Variants in UTRN observed in about 807,000 individuals in gnomAD.
The protein encoded by UTRN is dystrophin-related protein 1.
In UTRN, 283 loss-of-function variants were observed where a neutral mutation model predicts 463.9. The ratio of observed to expected loss-of-function variants is 0.61; its 90% confidence interval spans 0.55 to 0.67. UTRN has a LOEUF of 0.67. UTRN is among the 30% of genes least tolerant of loss of function. UTRN has a pLI of 0.00. For synonymous variants in UTRN, 1,442 were observed against 1,431.5 expected (o/e 1.01, Z -0.17); for missense variants, 3,922 against 4,084.3 (o/e 0.96, Z 1.08).
chr6:144,462,837 G>A lies in UTRN; in HGVS notation c.3037G>A (p.Glu1013Lys). The change falls in exon 23 of 75, where the codon GAA becomes AAA. Residue 1013 changes from glutamate to lysine, a missense_variant. Physicochemically the swap from Glu to Lys is moderately conservative, Grantham distance 56. Transcript: ENST00000367545. ...TTCCAAAGATCTACATTTGCTTGAGGAAATTGCTCTCACACTCAGAGCTTT... is the reference window on the plus strand; with the variant it reads ...TTCCAAAGATCTACATTTGCTTGAGAAAATTGCTCTCACACTCAGAGCTTT... ...LVSKDLHLLE[E>K]IALTLRAFEA... The A allele has an allele frequency of 1.9e-6, 3 of 1,606,436 alleles. No homozygotes were observed. Among genetic ancestry groups the A allele is most frequent in the Non-Finnish European group, 2.5e-6 (3 of 1,178,488 alleles).
chr6:144,458,725 T>C (rs1459269854), intron 19 of UTRN, 45 bp from the exon 20 acceptor site: 1 of 1,519,704 alleles, frequency 6.6e-7, no homozygotes, highest in African/African-American at 1.4e-5. Context: ...TCAAGACACA[T>C]TTTGTAATAT....
At chr6:144,541,911 G>A (rs1013936463) in intron 45 of UTRN, among the ~76,000 whole-genome samples, 1 of 152,168 alleles carries the variant, frequency 6.6e-6, no homozygotes, top group African/African-American at 2.4e-5. Flanking sequence ...GCAAATGAAA[G>A]TGTCTAGAAG....
intron 51 of UTRN, among the ~76,000 whole-genome samples, chr6:144,621,748 A>AC (rs1364204951): frequency 1.3e-5 from 2 of 151,904 alleles, no homozygotes; most frequent in Admixed American, 1.3e-4. Context: ...TGCATATGAG[A>AC]CCCCCAGTAT....
At chr6:144,806,668 A>G (rs1013665212) in intron 65 of UTRN, among the ~76,000 whole-genome samples, 1 of 122,998 alleles carries the variant, frequency 8.1e-6, no homozygotes, top group African/African-American at 2.9e-5. Context: ...CCATTTTACT[A>G]TTGGAATTGT....
intron 50 of UTRN, among the ~76,000 whole-genome samples, chr6:144,571,649 C>G (rs1409179932): frequency 6.6e-6 from 1 of 152,190 alleles, no homozygotes; most frequent in Non-Finnish European, 1.5e-5. Context: ...ACAGTGTTGA[C>G]ATTATTTTGC....
At chr6:144,420,344 T>G (rs1185709456) in intron 3 of UTRN, among the ~76,000 whole-genome samples, 1 of 152,214 alleles carries the variant, frequency 6.6e-6, no homozygotes, top group Non-Finnish European at 1.5e-5. Flanking sequence ...TTATTTGATC[T>G]TTACAGTGAC....
chr6:144,722,434 A>G (rs1390726096), intron 53 of UTRN, among the ~76,000 whole-genome samples: 3 of 151,902 alleles, frequency 2.0e-5, no homozygotes, highest in African/African-American at 7.3e-5. Context: ...TGTGTGGTAG[A>G]TTTTTATAGT....
intron 2 of UTRN, chr6:144,344,149 G>T: frequency 7.8e-7 from 1 of 1,287,606 alleles, no homozygotes; most frequent in Non-Finnish European, 1.0e-6. Flanking sequence ...GCAGTTCGAA[G>T]GCTGCTTTTG....
At chr6:144,410,950 C>T (rs1265339692) in intron 3 of UTRN, among the ~76,000 whole-genome samples, 1 of 151,720 alleles carries the variant, frequency 6.6e-6, no homozygotes, top group East Asian at 1.9e-4. Flanking sequence ...TATAATGGCT[C>T]CTTTTCCAAA....
At chr6:144,774,230 G>T in intron 59 of UTRN, 60 bp from the exon 60 acceptor site, 1 of 1,422,590 alleles carries the variant, frequency 7.0e-7, no homozygotes, top group South Asian at 1.3e-5. Context: ...ATACATTCTG[G>T]GCATTCAATA....
chr6:144,285,964 G>C (rs1401812534), intron 1 of UTRN, 143 bp downstream of exon 1: 2 of 152,324 alleles, frequency 1.3e-5, no homozygotes, highest in Non-Finnish European at 2.9e-5. Flanking sequence ...CCAAGTCCCA[G>C]AGTCGAAGAT....
chr6:144,544,756 G>T (rs900238135), intron 46 of UTRN, among the ~76,000 whole-genome samples: 1 of 151,934 alleles, frequency 6.6e-6, no homozygotes, highest in Non-Finnish European at 1.5e-5. Context: ...GCTACCTGCG[G>T]CTGTACCCAT....
intron 2 of UTRN, among the ~76,000 whole-genome samples, chr6:144,399,424 C>T (rs1335347453): frequency 1.3e-5 from 2 of 152,070 alleles, no homozygotes; most frequent in East Asian, 1.9e-4. Context: ...TCTTTGCTAA[C>T]GAGAGATTGG....
chr6:144,630,582 T>G (rs1012116566), intron 51 of UTRN, among the ~76,000 whole-genome samples: 1 of 152,204 alleles, frequency 6.6e-6, no homozygotes, highest in Non-Finnish European at 1.5e-5. Flanking sequence ...CCTGATTCAG[T>G]TACCTCCCAC....
intron 14 of UTRN, among the ~76,000 whole-genome samples, chr6:144,444,699 T>A (rs1787493640): frequency 6.6e-6 from 1 of 152,362 alleles, no homozygotes; most frequent in African/African-American, 2.4e-5. Context: ...TTTGAATTTG[T>A]ATCAACACAA....
At chr6:144,385,794 C>T (rs145719259) in intron 2 of UTRN, among the ~76,000 whole-genome samples, 7 of 151,822 alleles carry the variant, frequency 4.6e-5, no homozygotes, top group Non-Finnish European at 7.4e-5. Flanking sequence ...GTGCAACCTC[C>T]GCCTCTTAAG....
At chr6:144,402,925 C>G (rs1368370366) in intron 2 of UTRN, among the ~76,000 whole-genome samples, 198 bp from the exon 3 acceptor site, 1 of 152,138 alleles carries the variant, frequency 6.6e-6, no homozygotes, top group Non-Finnish European at 1.5e-5. Context: ...GAGCCTCCCT[C>G]TGTTGTAGGC....
chr6:144,724,385 C>T lies in UTRN; in HGVS notation c.7810-5972C>T, dbSNP rs533505134. Among the ~76,000 whole-genome samples, 427 of 151,832 alleles carry T rather than the reference C, an allele frequency of 2.8e-3. 2 individuals carry two copies. Among genetic ancestry groups the T allele is most frequent in the Non-Finnish European group, 4.6e-3 (310 of 67,912 alleles). ...CTGGGACTACAGGCACCCGCCACCA[C>T]GCCTGGCTAATTTTTATATTTTTAG... On this transcript the variant is annotated intron_variant, in intron 53 of 74. Coordinates refer to ENST00000367545, the MANE Select transcript of UTRN (RefSeq NM_007124.3).
intron 51 of UTRN, among the ~76,000 whole-genome samples, chr6:144,600,296 G>A (rs931062475): frequency 1.3e-5 from 2 of 152,218 alleles, no homozygotes; most frequent in African/African-American, 2.4e-5. Context: ...AGCAAGGAAG[G>A]ACTGTCCAAA....
Sources: gnomAD v4.1 joint callset for allele counts (sites outside exome capture counted in the v4.1 genomes callset) on GRCh38, gnomAD v4.1.1 for gene constraint, MANE v1.5 for transcripts, NCBI Gene and HGNC (gene_info 2026-07-23, HGNC 2026-07-21) for gene names.